SCIMP: variants seen among roughly 807,000 people sequenced by gnomAD.
SCIMP encodes SLP adapter and CSK-interacting membrane protein.
Under a neutral mutation model 22.0 loss-of-function variants are expected in SCIMP, and 18 were observed. That is an observed-to-expected ratio of 0.82 (90% CI 0.56 to 1.21). SCIMP has a LOEUF of 1.21. SCIMP is among the 50% of genes most tolerant of loss of function. SCIMP has a pLI of 0.00. For synonymous variants in SCIMP, 53 were observed against 62.2 expected (o/e 0.85, Z 0.70); for missense variants, 155 against 171.2 (o/e 0.91, Z 0.53).
chr17:5,233,513 T>C (rs1239116423), intron 1 of SCIMP, among the ~76,000 whole-genome samples: 1 of 152,106 alleles, frequency 6.6e-6, no homozygotes, highest in Non-Finnish European at 1.5e-5. Flanking sequence ...GCTGGGGCTA[T>C]AGGCGCCCAC....
intron 3 of SCIMP, among the ~76,000 whole-genome samples, chr17:5,219,954 C>G: frequency 6.6e-6 from 1 of 152,186 alleles, no homozygotes; most frequent in East Asian, 1.9e-4. Flanking sequence ...GCTTTGCCTG[C>G]TTTCTGCTAG....
chr17:5,231,945 A>G (rs2074699352), intron 1 of SCIMP, among the ~76,000 whole-genome samples: 2 of 151,940 alleles, frequency 1.3e-5, no homozygotes, highest in Admixed American at 6.6e-5. Context: ...AGTCCCAGCT[A>G]CTCGGGAGGC....
rs1234199934 is a variant in SCIMP at position 5,221,296 on chromosome 17, T to C, written c.200A>G (p.Lys67Arg). The change falls in exon 3 of 5, where the codon AAG becomes AGG. Residue 67 changes from lysine to arginine, a missense_variant. By Grantham distance (26) the Lys-to-Arg change is conservative (BLOSUM62 2). Transcript: ENST00000574081. ...PLKHKQVDEE[K>R]MYENVLNESP... ...ATTCCCCCCTACTTACTCATACATC[T>C]TTTCTTCATCTACTTGCTTGTGTTT... 1 of 1,612,682 alleles carries C rather than the reference T, an allele frequency of 6.2e-7. No individual in the cohort carries two copies. Among genetic ancestry groups the C allele is most frequent in the Admixed American group, 1.7e-5 (1 of 60,002 alleles).
chr17:5,221,273 T>G lies in SCIMP; in HGVS notation c.209+14A>C, dbSNP rs2074605366. 5 of 1,598,734 alleles carry G rather than the reference T, an allele frequency of 3.1e-6. No homozygotes were observed. The highest frequency in any genetic ancestry group is 4.3e-6 in the Non-Finnish European group (5 of 1,166,266). On this transcript the variant is annotated intron_variant, in intron 3 of 4. Coordinates refer to ENST00000574081, the MANE Select transcript of SCIMP (RefSeq NM_207103.3). ...TCTCAACAGTAAAAAGCGGAAGGAT[T>G]CCCCCCTACTTACTCATACATCTTT...
intron 3 of SCIMP, among the ~76,000 whole-genome samples, chr17:5,220,371 A>G (rs2074596885): frequency 6.8e-6 from 1 of 146,976 alleles, no homozygotes; most frequent in African/African-American, 2.5e-5. Flanking sequence ...GCTTGAGCCC[A>G]GGAGTTTGAG....
intron 1 of SCIMP, among the ~76,000 whole-genome samples, chr17:5,224,195 C>T (rs113302273): frequency 9.2e-5 from 14 of 152,222 alleles, no homozygotes; most frequent in South Asian, 4.2e-4. Flanking sequence ...AGTGCAGTGG[C>T]GCGATCTGGG....
chr17:5,214,107 C>T (rs1309145528), intron 4 of SCIMP: 1 of 152,278 alleles, frequency 6.6e-6, no homozygotes, highest in African/African-American at 2.4e-5. Context: ...CAGCTGTCTG[C>T]AAGCCAGGAG....
In SCIMP at chr17:5,210,693, A is replaced by G; in HGVS notation, c.*108T>C. Reference sequence around the variant, plus strand: ...TCTTATAGAGCTTCATAAAATCACCACTGGCTTTCAGGGCCCAGAGACCTA... The same window carrying G: ...TCTTATAGAGCTTCATAAAATCACCGCTGGCTTTCAGGGCCCAGAGACCTA... On this transcript the variant is annotated 3_prime_UTR_variant, in exon 5 of 5. Transcript: ENST00000574081. The G allele has an allele frequency of 1.4e-6, 2 of 1,421,144 alleles. No individual in the cohort carries two copies. The highest frequency in any genetic ancestry group is 1.9e-6 in the Non-Finnish European group (2 of 1,053,668). The allele number at this position is 1,421,144 out of a possible 1,614,324, so 88.0% of individuals were successfully genotyped here.
intron 4 of SCIMP, chr17:5,213,292 C>G: frequency 3.1e-6 from 3 of 955,332 alleles, no homozygotes; most frequent in Non-Finnish European, 3.7e-6. Context: ...GGGTCTCACT[C>G]TGTCGTCCAG....
At chr17:5,229,470 T>G (rs1248216033) in intron 1 of SCIMP, among the ~76,000 whole-genome samples, 2 of 138,362 alleles carry the variant, frequency 1.4e-5, no homozygotes, top group Non-Finnish European at 3.0e-5. Flanking sequence ...CTTGGCTCAC[T>G]GCAACCTCCA....
Position 5,210,864 on chromosome 17 carries a change from A to C in SCIMP, c.375T>G (p.Ile125Met). The stretch of plus-strand genomic sequence containing the variant: ...CATCGTCATAGTCATCTTCAGGCTC[A>C]ATGTAGCTTGGGATGGAAACAGTCT... ...NKKTVSIPSY[I>M]EPEDDYDDVE... Residue 125 changes from isoleucine (I) to methionine (M), a missense_variant, in exon 5 of 5, where the codon ATT becomes ATG. Transcript: ENST00000574081. 1.2e-6 allele frequency: 2 copies of C among 1,614,068 alleles called. No homozygotes were observed. Among genetic ancestry groups the C allele is most frequent in the Non-Finnish European group, 1.7e-6 (2 of 1,180,002 alleles).
rs1446393792 is a variant in SCIMP, at chr17:5,209,354, G to C, written c.*1447C>G. ...TCTCCATGTTGGTCAGGCTGGTCTC[G>C]AACTCCCGACCTCAGGTGATCCGCC... On this transcript the variant is annotated 3_prime_UTR_variant, in exon 5 of 5. Coordinates refer to ENST00000574081, the MANE Select transcript of SCIMP (RefSeq NM_207103.3). 6.6e-6 allele frequency: 1 copy of C among 152,070 alleles called. No individual in the cohort carries two copies. Among genetic ancestry groups the C allele is most frequent in the African/African-American group, 2.4e-5 (1 of 41,396 alleles). 9.4% of individuals were successfully genotyped at this position (152,070 alleles called of 1,614,324 possible). A position where few individuals can be genotyped will look rare whatever the true frequency, so the allele number is the denominator to read the frequency against.
At chr17:5,223,621 C>A in intron 1 of SCIMP, 165 bp from the exon 2 acceptor site, 1 of 622,266 alleles carries the variant, frequency 1.6e-6, no homozygotes, top group Non-Finnish European at 2.8e-6. Flanking sequence ...CAGCTCTCAG[C>A]TCACTGCAAC....
At chr17:5,223,998 C>T (rs2074628152) in intron 1 of SCIMP, among the ~76,000 whole-genome samples, 1 of 152,236 alleles carries the variant, frequency 6.6e-6, no homozygotes, top group African/African-American at 2.4e-5. Context: ...ATGATATCTC[C>T]TACTTCACTG....
intron 2 of SCIMP, 107 bp from the exon 3 acceptor site, chr17:5,221,457 G>T: frequency 1.2e-6 from 1 of 835,798 alleles, no homozygotes; most frequent in Non-Finnish European, 2.0e-6. Flanking sequence ...AAATGATAGA[G>T]CCGGACTTAG....
At position 5,223,271 on chromosome 17, in the gene SCIMP, C is replaced by T; in HGVS notation, c.145+62G>A. 5 of 1,579,080 alleles carry T rather than the reference C, an allele frequency of 3.2e-6. No homozygotes were observed. In the South Asian group the frequency reaches 5.6e-5, roughly 18 times the overall value. On this transcript the variant is annotated intron_variant, in intron 2 of 4. Coordinates refer to ENST00000574081, the MANE Select transcript of SCIMP (RefSeq NM_207103.3). Reference sequence around the variant, plus strand: ...GATTGATTTGCTTGCCCTAAAGGAGCTCTACTGCACCGATAACCACCTGGC... The same window carrying T: ...GATTGATTTGCTTGCCCTAAAGGAGTTCTACTGCACCGATAACCACCTGGC...
rs2074511598 is a variant in SCIMP at position 5,209,449 on chromosome 17, A to G, written c.*1352T>C. 1 of 152,254 alleles carries G rather than the reference A, an allele frequency of 6.6e-6. No individual in the cohort carries two copies. The highest frequency in any genetic ancestry group is 2.1e-4 in the South Asian group (1 of 4,834). 9.4% of individuals were successfully genotyped at this position (152,254 alleles called of 1,614,324 possible). A position where few individuals can be genotyped will look rare whatever the true frequency, so the allele number is the denominator to read the frequency against. On this transcript the variant is annotated 3_prime_UTR_variant, in exon 5 of 5. Coordinates refer to ENST00000574081, the MANE Select transcript of SCIMP (RefSeq NM_207103.3). ...TCATAGAGTCTGGAAAGAGAGAACCAGGGAGGAAGCCCAGGTCCCCAGTGC... is the reference window on the plus strand; with the variant it reads ...TCATAGAGTCTGGAAAGAGAGAACCGGGGAGGAAGCCCAGGTCCCCAGTGC...
At chr17:5,212,475 A>G (rs994182543) in intron 4 of SCIMP, among the ~76,000 whole-genome samples, 2 of 152,200 alleles carry the variant, frequency 1.3e-5, no homozygotes, top group Non-Finnish European at 2.9e-5. Flanking sequence ...TCTACTAAAA[A>G]TACAAAAAAT....
At position 5,210,755 on chromosome 17, in the gene SCIMP, T is replaced by C. The variant is rs746896578; in HGVS notation, c.*46A>G. 1.3e-6 allele frequency: 2 copies of C among 1,575,530 alleles called. No homozygotes were observed. The highest frequency in any genetic ancestry group is 1.2e-5 in the South Asian group (1 of 83,588). On this transcript the variant is annotated 3_prime_UTR_variant, in exon 5 of 5. Transcript: ENST00000574081. Reference sequence around the variant, plus strand: ...CCATTCTTGATTGTTTTAAAATAAGTTGTGTGAACCCTCTTCAGTTTTGCC... The same window carrying C: ...CCATTCTTGATTGTTTTAAAATAAGCTGTGTGAACCCTCTTCAGTTTTGCC...
Sources: allele counts gnomAD v4.1 joint callset (sites outside exome capture counted in the v4.1 genomes callset), GRCh38; gene constraint gnomAD v4.1.1; transcripts MANE v1.5; gene names NCBI Gene and HGNC (gene_info 2026-07-23, HGNC 2026-07-21).